Variants in DMD observed in about 807,000 individuals in gnomAD.
The protein encoded by DMD is mutant dystrophin.
DMD carries 63 observed loss-of-function variants against 330.1 expected under a neutral mutation model. That is an observed-to-expected ratio of 0.19 (90% confidence interval 0.16 to 0.24). The LOEUF is 0.24. DMD is among the 10% of genes least tolerant of loss of function. DMD has a pLI of 1.00. For synonymous variants in DMD, 1,223 were observed against 959.8 expected, an observed-to-expected ratio of 1.27 and a Z score of -5.07; for missense variants, 3,344 against 2,684.1, an observed-to-expected ratio of 1.25 and a Z score of -5.43.
At chrX:33,176,990 A>C (rs1027408967) in intron 1 of DMD, among the ~76,000 whole-genome samples, 3 of 112,035 alleles carry the variant, frequency 2.7e-5, no homozygotes, top group Non-Finnish European at 5.6e-5. Context: ...TGTGAAGGGG[A>C]CAGTTTAGGG....
chrX:32,458,286 T>C (rs1293305987), intron 25 of DMD, among the ~76,000 whole-genome samples: 2 of 111,471 alleles, frequency 1.8e-5, no homozygotes, highest in African/African-American at 3.3e-5. Context: ...TTATTTCACT[T>C]AGCATACTAT....
intron 4 of DMD, among the ~76,000 whole-genome samples, chrX:32,832,882 T>C (rs2148905837): frequency 9.0e-6 from 1 of 111,603 alleles, no homozygotes; most frequent in Admixed American, 9.5e-5. Flanking sequence ...TGACAGCTTT[T>C]TATTCCCTTC....
At chrX:31,729,151 C>A (rs144940986) in intron 52 of DMD, among the ~76,000 whole-genome samples, 2 of 111,872 alleles carry the variant, frequency 1.8e-5, no homozygotes, top group Non-Finnish European at 3.8e-5. Context: ...AGGTACAGTA[C>A]GATGATTTTT....
At position 33,320,957 on chromosome X, in the gene DMD, T is replaced by G. The variant is rs774281636; in HGVS notation, c.7+18302A>C. On this transcript the variant is annotated intron_variant, in intron 1 of 17. Coordinates refer to the DMD transcript ENST00000288447. The stretch of plus-strand genomic sequence containing the variant: ...CAATTCCTCATCCATTCACGCTTTA[T>G]TATGAGATTTTAGGAATTCAGCAAC... Among the ~76,000 whole-genome samples, 9 of 111,992 alleles carry G rather than the reference T, an allele frequency of 8.0e-5. No homozygotes were observed. The East Asian group carries it at 2.2e-3, about 28-fold the overall frequency.
chrX:32,007,217 A>C (rs1169104534), intron 44 of DMD, among the ~76,000 whole-genome samples: 1 of 10,786 alleles, frequency 9.3e-5, no homozygotes, highest in African/African-American at 2.8e-4. Context: ...CTTAAAGTAT[A>C]ATAATAATAA....
At chrX:33,073,253 CATAA>C (rs2094787080) in intron 1 of DMD, among the ~76,000 whole-genome samples, 1 of 111,757 alleles carries the variant, frequency 8.9e-6, no homozygotes, top group Non-Finnish European at 1.9e-5. Flanking sequence ...CTGTGAAGCA[CATAA>C]ATACATACTT....
intron 60 of DMD, among the ~76,000 whole-genome samples, chrX:31,443,194 T>C (rs1382233342): frequency 1.8e-5 from 2 of 111,710 alleles, no homozygotes; most frequent in Non-Finnish European, 3.8e-5. Flanking sequence ...ACGGTTAAAC[T>C]AATTTTAGGG....
chrX:31,977,556 T>C (rs1020522384), intron 44 of DMD, among the ~76,000 whole-genome samples: 3 of 110,802 alleles, frequency 2.7e-5, no homozygotes, highest in Non-Finnish European at 5.7e-5. Flanking sequence ...TCTAAGCACA[T>C]GTTGGGCATC....
chrX:31,778,246 A>G (rs748318685), intron 50 of DMD, among the ~76,000 whole-genome samples: 1 of 111,923 alleles, frequency 8.9e-6, no homozygotes, highest in African/African-American at 3.2e-5. Flanking sequence ...AAATCTAGTT[A>G]TCACTAGGAA....
At chrX:31,964,552 T>C (rs1603618334) in intron 45 of DMD, among the ~76,000 whole-genome samples, 4 of 109,842 alleles carry the variant, frequency 3.6e-5, no homozygotes. Context: ...TATTTAGGGG[T>C]AAAATATAAT....
chrX:33,263,294 C>T (rs1005041450), intron 1 of DMD, among the ~76,000 whole-genome samples: 3 of 109,967 alleles, frequency 2.7e-5, no homozygotes, highest in Non-Finnish European at 5.7e-5. Flanking sequence ...ATTCATTTCT[C>T]TTATAGATCC....
At chrX:31,271,465 G>A (rs776993578) in intron 62 of DMD, among the ~76,000 whole-genome samples, 28 of 111,196 alleles carry the variant, frequency 2.5e-4, no homozygotes, top group Admixed American at 9.6e-4. Context: ...TGGGTTGCAT[G>A]TGGTTTCAAT....
chrX:32,408,526 G>GA (rs1040264515), intron 30 of DMD, among the ~76,000 whole-genome samples: 1 of 111,475 alleles, frequency 9.0e-6, no homozygotes, highest in Non-Finnish European at 1.9e-5. Context: ...TTAAAATGCA[G>GA]AAAAAATAAT....
At chrX:31,201,816 C>G (rs764750246) in intron 67 of DMD, among the ~76,000 whole-genome samples, 1 of 112,212 alleles carries the variant, frequency 8.9e-6, no homozygotes, top group South Asian at 3.7e-4. Context: ...TACCTTTAAC[C>G]CAAGTCACAA....
At chrX:32,842,503 C>CA (rs1254167500) in intron 4 of DMD, among the ~76,000 whole-genome samples, 2 of 109,572 alleles carry the variant, frequency 1.8e-5, no homozygotes, top group South Asian at 7.7e-4. Context: ...CATGTGTGCC[C>CA]AAAAAACCTC....
intron 67 of DMD, among the ~76,000 whole-genome samples, chrX:31,189,754 G>C (rs1469515270): frequency 8.9e-6 from 1 of 112,431 alleles, no homozygotes; most frequent in Non-Finnish European, 1.9e-5. Context: ...AGAAATAAAA[G>C]GAAGATTATA....
At chrX:32,234,255 G>T (rs2097179708) in intron 43 of DMD, among the ~76,000 whole-genome samples, 1 of 112,244 alleles carries the variant, frequency 8.9e-6, no homozygotes, top group African/African-American at 3.2e-5. Flanking sequence ...ATTATTTATT[G>T]CCTATCAGTT....
intron 76 of DMD, among the ~76,000 whole-genome samples, chrX:31,141,631 T>G (rs1433784801): frequency 3.1e-5 from 3 of 97,557 alleles, no homozygotes; most frequent in Non-Finnish European, 4.2e-5. Flanking sequence ...TGGTGGAACA[T>G]AGCTAAGGAA....
chrX:32,282,479 G>T (rs188988115), intron 43 of DMD, among the ~76,000 whole-genome samples: 121 of 112,100 alleles, frequency 1.1e-3, no homozygotes, highest in African/African-American at 3.8e-3. Flanking sequence ...CATGGTGCTT[G>T]TGGATTTACT....
Sources: allele counts gnomAD v4.1 joint callset (sites outside exome capture counted in the v4.1 genomes callset), GRCh38; gene constraint gnomAD v4.1.1; transcripts MANE v1.5; gene names NCBI Gene and HGNC (gene_info 2026-07-23, HGNC 2026-07-21).